The following C16orf78 variants were observed in gnomAD, a reference collection of about 807,000 sequenced individuals.
C16orf78 encodes uncharacterized protein C16orf78.
Under a neutral mutation model 27.3 loss-of-function variants are expected in C16orf78, and 19 were observed. The observed-to-expected ratio is 0.70, with a 90% CI of 0.49 to 1.02. The LOEUF (loss-of-function observed/expected upper bound fraction) is 1.02, where lower values mean the gene tolerates loss of function less well. Ranked by LOEUF, C16orf78 falls within the 50% of genes least tolerant of loss-of-function variation. The pLI is 0.00. For synonymous variants in C16orf78, 130 were observed against 116.1 expected, an observed-to-expected ratio of 1.12 and a Z score of -0.77; for missense variants, 339 against 337.0, an observed-to-expected ratio of 1.01 and a Z score of -0.05.
At chr16:49,377,114 G>T (rs754733244) in intron 1 of C16orf78, among the ~76,000 whole-genome samples, 1 of 152,186 alleles carries the variant, frequency 6.6e-6, no homozygotes. Flanking sequence ...CCTCCCCTGC[G>T]AGAGCAGGAG....
intron 3 of C16orf78, among the ~76,000 whole-genome samples, chr16:49,388,662 C>T (rs573832113): frequency 1.1e-4 from 16 of 152,244 alleles, no homozygotes; most frequent in African/African-American, 3.1e-4. Flanking sequence ...CAGGTGCACG[C>T]CACCATGGCC....
rs764877902 is a variant in C16orf78 at position 49,394,041 on chromosome 16, G to A, written c.395-2382G>A. ...CAATATAGAGCAGAAAAATTGAATAGGGCAATTTCTGCAGTGAAGGTTGAA... is the reference window on the plus strand; with the variant it reads ...CAATATAGAGCAGAAAAATTGAATAAGGCAATTTCTGCAGTGAAGGTTGAA... On this transcript the variant is annotated intron_variant, in intron 3 of 4. Coordinates refer to ENST00000299191, the MANE Select transcript of C16orf78 (RefSeq NM_144602.4). 2.0e-5 allele frequency among the ~76,000 whole-genome samples: 3 copies of A among 151,984 alleles called. No individual in the cohort carries two copies. In the South Asian group the frequency reaches 6.2e-4, roughly 32 times the overall value.
At chr16:49,393,546 C>T (rs896872507) in intron 3 of C16orf78, among the ~76,000 whole-genome samples, 6 of 152,020 alleles carry the variant, frequency 3.9e-5, no homozygotes, top group Admixed American at 6.5e-5. Context: ...AAATAAATAA[C>T]GAAATAAGCC....
chr16:49,389,417 C>T (rs144149142), intron 3 of C16orf78, among the ~76,000 whole-genome samples: 4 of 141,906 alleles, frequency 2.8e-5, no homozygotes, highest in African/African-American at 1.2e-4. Flanking sequence ...CAGAGCAAGA[C>T]TCCATCTCAA....
chr16:49,383,251 G>C (rs1197864216), intron 3 of C16orf78, among the ~76,000 whole-genome samples: 1 of 152,212 alleles, frequency 6.6e-6, no homozygotes, highest in African/African-American at 2.4e-5. Flanking sequence ...GGCACAGTAA[G>C]GAGAGCCTCT....
At chr16:49,376,897 G>A (rs896434234) in intron 1 of C16orf78, among the ~76,000 whole-genome samples, 2 of 152,108 alleles carry the variant, frequency 1.3e-5, no homozygotes, top group African/African-American at 4.8e-5. Flanking sequence ...GGACACTGCA[G>A]TCCAGGCCAC....
intron 3 of C16orf78, among the ~76,000 whole-genome samples, chr16:49,380,631 G>A (rs949147943): frequency 1.3e-5 from 2 of 152,190 alleles, no homozygotes; most frequent in Non-Finnish European, 2.9e-5. Context: ...TACATCTTTA[G>A]TTTAATTAGA....
intron 3 of C16orf78, 134 bp from the exon 4 acceptor site, chr16:49,396,289 C>G: frequency 1.9e-6 from 2 of 1,040,232 alleles, no homozygotes; most frequent in Non-Finnish European, 2.8e-6. Flanking sequence ...GTGGAAGCCA[C>G]GAAAAGACCT....
rs182073383 is a variant in C16orf78 at position 49,388,875 on chromosome 16, A to C, written c.395-7548A>C. Among the ~76,000 whole-genome samples, 104 of 152,314 alleles carry C rather than the reference A, an allele frequency of 6.8e-4. 2 individuals are homozygous for C. The highest frequency in any genetic ancestry group is 2.4e-3 in the African/African-American group (99 of 41,562). On this transcript the variant is annotated intron_variant, in intron 3 of 4. Coordinates refer to ENST00000299191, the MANE Select transcript of C16orf78 (RefSeq NM_144602.4). ...CTAATTTTATTGCACTGCACAAAACACATCTTAACAAATTCAAGAGGACTA... is the reference window on the plus strand; with the variant it reads ...CTAATTTTATTGCACTGCACAAAACCCATCTTAACAAATTCAAGAGGACTA...
intron 1 of C16orf78, 40 bp downstream of exon 1, chr16:49,374,129 C>A: frequency 1.2e-6 from 2 of 1,608,560 alleles, no homozygotes; most frequent in South Asian, 2.2e-5. Context: ...AGACTTTACT[C>A]AAGGTAGTTG....
rs1000838080 is a variant in C16orf78 at position 49,376,248 on chromosome 16, AT to A, written c.151-1480del. On this transcript the variant is annotated intron_variant, in intron 1 of 4. Transcript: ENST00000299191. ...CTTCCCCCAACAGACTGCTCATGGT[AT>A]TTCCCCCTTGTGATCCATTTGGCAT... 8.4e-4 allele frequency among the ~76,000 whole-genome samples: 128 copies of A among 152,288 alleles called. 1 individual carries two copies. The highest frequency in any genetic ancestry group is 2.9e-3 in the African/African-American group (120 of 41,552).
intron 1 of C16orf78, among the ~76,000 whole-genome samples, chr16:49,377,173 C>G (rs567314906): frequency 5.3e-5 from 8 of 152,306 alleles, no homozygotes. Flanking sequence ...GCAGGGTGTG[C>G]TCAGCTCTTG....
intron 1 of C16orf78, 149 bp from the exon 2 acceptor site, chr16:49,377,582 G>C: frequency 2.9e-6 from 3 of 1,029,826 alleles, no homozygotes; most frequent in Non-Finnish European, 4.1e-6. Flanking sequence ...GGAAGCAGAG[G>C]AACAGTGACG....
intron 3 of C16orf78, among the ~76,000 whole-genome samples, chr16:49,396,126 C>T (rs1261970649): frequency 1.3e-5 from 2 of 152,064 alleles, no homozygotes; most frequent in Non-Finnish European, 2.9e-5. Context: ...CCTATAGGCC[C>T]AGCTACTCGG....
At chr16:49,395,808 C>T (rs918147159) in intron 3 of C16orf78, among the ~76,000 whole-genome samples, 2 of 152,164 alleles carry the variant, frequency 1.3e-5, no homozygotes, top group African/African-American at 4.8e-5. Flanking sequence ...CCTCTAGGCT[C>T]ATTCCACTTA....
chr16:49,397,472 G>T (rs774175760), intron 4 of C16orf78, among the ~76,000 whole-genome samples: 1 of 152,194 alleles, frequency 6.6e-6, no homozygotes, highest in Non-Finnish European at 1.5e-5. Context: ...TCACTGACTG[G>T]CAGAAGGATG....
chr16:49,388,901 G>A (rs993721306), intron 3 of C16orf78, among the ~76,000 whole-genome samples: 13 of 152,010 alleles, frequency 8.6e-5, no homozygotes, highest in African/African-American at 3.1e-4. Context: ...AAGAGGACTA[G>A]AATTATATTA....
chr16:49,391,889 G>A (rs894519587), intron 3 of C16orf78, among the ~76,000 whole-genome samples: 7 of 152,078 alleles, frequency 4.6e-5, no homozygotes, highest in African/African-American at 1.4e-4. Flanking sequence ...AGAGCATAGC[G>A]CCAATTTCCT....
At chr16:49,396,018 G>A (rs751428361) in intron 3 of C16orf78, among the ~76,000 whole-genome samples, 7 of 152,308 alleles carry the variant, frequency 4.6e-5, no homozygotes, top group Non-Finnish European at 1.0e-4. Flanking sequence ...TGAGGCAGGT[G>A]GACCATTTGA....
Sources: gnomAD v4.1 joint callset for allele counts (sites outside exome capture counted in the v4.1 genomes callset) on GRCh38, gnomAD v4.1.1 for gene constraint, MANE v1.5 for transcripts, NCBI Gene and HGNC (gene_info 2026-07-23, HGNC 2026-07-21) for gene names.